SRBD1: variants seen among roughly 807,000 people sequenced by gnomAD.
The protein encoded by SRBD1 is S1 RNA-binding domain-containing protein 1.
In SRBD1, 88 loss-of-function variants were observed where a neutral mutation model predicts 115.3. The observed-to-expected ratio is 0.76, with a 90% confidence interval of 0.64 to 0.91. SRBD1 has a LOEUF of 0.91. Among genes scored for constraint, SRBD1 ranks in the 40% least tolerant of loss-of-function variants. The pLI is 0.00. For missense variants in SRBD1, 1,385 were observed against 1,177.4 expected (o/e 1.18, Z -2.58); for synonymous variants, 509 against 407.7 (o/e 1.25, Z -2.99).
At chr2:45,409,576 A>G (rs2103849752) in intron 19 of SRBD1, among the ~76,000 whole-genome samples, 1 of 151,940 alleles carries the variant, frequency 6.6e-6, no homozygotes, top group East Asian at 1.9e-4. Flanking sequence ...AAAATGGAGG[A>G]AGTAAAGTTT....
intron 19 of SRBD1, among the ~76,000 whole-genome samples, chr2:45,400,323 T>C (rs1667258864): frequency 6.6e-6 from 1 of 152,022 alleles, no homozygotes; most frequent in African/African-American, 2.4e-5. Flanking sequence ...GGCTCCAGAC[T>C]GAGTGGTCTA....
chr2:45,492,675 G>A (rs1467489596), intron 14 of SRBD1, among the ~76,000 whole-genome samples: 3 of 152,062 alleles, frequency 2.0e-5, no homozygotes, highest in East Asian at 3.9e-4. Flanking sequence ...TCCTGACCTC[G>A]TGATCCGCCT....
intron 10 of SRBD1, among the ~76,000 whole-genome samples, chr2:45,559,651 AAC>A (rs1672598026): frequency 6.6e-6 from 1 of 152,220 alleles, no homozygotes; most frequent in Non-Finnish European, 1.5e-5. Context: ...TAAAAAAAGG[AAC>A]TAGAAGATTC....
intron 16 of SRBD1, among the ~76,000 whole-genome samples, chr2:45,460,574 A>T (rs1669283206): frequency 6.6e-6 from 1 of 152,202 alleles, no homozygotes; most frequent in African/African-American, 2.4e-5. Context: ...AAAATAACTT[A>T]TGTTCTGCAT....
chr2:45,553,000 T>C (rs959299134), intron 11 of SRBD1, among the ~76,000 whole-genome samples: 1 of 152,140 alleles, frequency 6.6e-6, no homozygotes, highest in South Asian at 2.1e-4. Context: ...CTATAATATT[T>C]TGGAAGGAAT....
At chr2:45,428,901 A>G (rs1370374689) in intron 16 of SRBD1, among the ~76,000 whole-genome samples, 1 of 152,116 alleles carries the variant, frequency 6.6e-6, no homozygotes, top group Non-Finnish European at 1.5e-5. Flanking sequence ...AACAAAATAG[A>G]CTGCTAATAA....
At chr2:45,457,229 T>C (rs1669182390) in intron 16 of SRBD1, among the ~76,000 whole-genome samples, 1 of 152,020 alleles carries the variant, frequency 6.6e-6, no homozygotes, top group Non-Finnish European at 1.5e-5. Flanking sequence ...TATTTATAAC[T>C]GAATAATTTT....
At chr2:45,427,277 A>T (rs927423269) in intron 16 of SRBD1, among the ~76,000 whole-genome samples, 15 of 152,176 alleles carry the variant, frequency 9.9e-5, no homozygotes, top group African/African-American at 3.1e-4. Context: ...GGAAGAAAGG[A>T]TATTAACCTT....
At chr2:45,495,064 T>A (rs1312569050) in intron 14 of SRBD1, among the ~76,000 whole-genome samples, 7 of 152,122 alleles carry the variant, frequency 4.6e-5, no homozygotes, top group Non-Finnish European at 8.8e-5. Context: ...AACCAGAGGA[T>A]CTAAGTATAC....
intron 13 of SRBD1, among the ~76,000 whole-genome samples, 159 bp downstream of exon 13, chr2:45,547,363 T>C (rs1220129140): frequency 6.6e-6 from 1 of 152,170 alleles, no homozygotes; most frequent in African/African-American, 2.4e-5. Flanking sequence ...AGTCTCCACA[T>C]GCAGAGTTCT....
chr2:45,443,668 A>C (rs1421029261), intron 16 of SRBD1, among the ~76,000 whole-genome samples: 1 of 151,952 alleles, frequency 6.6e-6, no homozygotes, highest in Non-Finnish European at 1.5e-5. Context: ...GCAGACAGGC[A>C]GGGTGTGGTA....
At chr2:45,431,513 A>G (rs1668335371) in intron 16 of SRBD1, among the ~76,000 whole-genome samples, 1 of 152,186 alleles carries the variant, frequency 6.6e-6, no homozygotes, top group African/African-American at 2.4e-5. Flanking sequence ...TTCTCAGCAA[A>G]CTAACAAAGG....
At chr2:45,525,681 T>C (rs1572734407) in intron 14 of SRBD1, among the ~76,000 whole-genome samples, 1 of 152,062 alleles carries the variant, frequency 6.6e-6, no homozygotes, top group Non-Finnish European at 1.5e-5. Context: ...CAAAACATCA[T>C]GTTGTACATG....
At position 45,488,211 on chromosome 2, in the gene SRBD1, T is replaced by C. The variant is rs773762196; in HGVS notation, c.1966+29A>G. 19 of 1,579,350 alleles carry C rather than the reference T, an allele frequency of 1.2e-5. No individual in the cohort carries two copies. In the Admixed American group the frequency reaches 2.3e-4, roughly 19 times the overall value. Reference sequence around the variant, plus strand: ...TGCTGCCCAAAATATCAAAATCACATGTTTTTGTGATGGTCCATAGTTTCT... The same window carrying C: ...TGCTGCCCAAAATATCAAAATCACACGTTTTTGTGATGGTCCATAGTTTCT... On this transcript the variant is annotated intron_variant, in intron 15 of 20. Coordinates refer to ENST00000263736, the MANE Select transcript of SRBD1 (RefSeq NM_018079.5).
chr2:45,389,630 G>A, intron 20 of SRBD1, 31 bp from the exon 21 acceptor site: 1 of 1,594,620 alleles, frequency 6.3e-7, no homozygotes, highest in Non-Finnish European at 8.6e-7. Flanking sequence ...GTGTAAATAA[G>A]GCATTGTACT....
At position 45,586,861 on chromosome 2, in the gene SRBD1, A is replaced by T. The variant is rs527882004; in HGVS notation, c.649-1087T>A. ...CGAAACAGGCAATTAATTATTTTTT[A>T]AAATATTTGTTTTAAAATATTATTT... On this transcript the variant is annotated intron_variant, in intron 4 of 20. Coordinates refer to ENST00000263736, the MANE Select transcript of SRBD1 (RefSeq NM_018079.5). Among the ~76,000 whole-genome samples, 65 of 145,710 alleles carry T rather than the reference A, an allele frequency of 4.5e-4. 2 individuals carry two copies. Among genetic ancestry groups the T allele is most frequent in the Admixed American group, 3.9e-3 (56 of 14,532 alleles).
At chr2:45,429,799 G>C (rs1668276182) in intron 16 of SRBD1, among the ~76,000 whole-genome samples, 1 of 152,098 alleles carries the variant, frequency 6.6e-6, no homozygotes, top group African/African-American at 2.4e-5. Context: ...ACGGCAATCA[G>C]GCAAGAGAAA....
chr2:45,555,557 C>G (rs898107162), intron 10 of SRBD1, among the ~76,000 whole-genome samples: 1 of 145,914 alleles, frequency 6.9e-6, no homozygotes, highest in African/African-American at 2.6e-5. Flanking sequence ...GTGGCGCGAT[C>G]CCGGCCCACT....
chr2:45,430,859 C>T (rs1041057482), intron 16 of SRBD1, among the ~76,000 whole-genome samples: 1 of 152,110 alleles, frequency 6.6e-6, no homozygotes, highest in Non-Finnish European at 1.5e-5. Flanking sequence ...TAACAGGCAA[C>T]CTATAGAATG....
Sources: gnomAD v4.1 joint callset for allele counts (sites outside exome capture counted in the v4.1 genomes callset) on GRCh38, gnomAD v4.1.1 for gene constraint, MANE v1.5 for transcripts, NCBI Gene and HGNC (gene_info 2026-07-23, HGNC 2026-07-21) for gene names.